The following NME9 variants were observed in gnomAD, a reference collection of about 807,000 sequenced individuals.
NME9 encodes NME/NM23 family member 9.
In NME9, 48 loss-of-function variants were observed where a neutral mutation model predicts 44.4. The ratio of observed to expected loss-of-function variants is 1.08; its 90% CI spans 0.86 to 1.37. NME9 has a LOEUF of 1.37. NME9 is among the 40% of genes most tolerant of loss of function. The pLI, the probability that NME9 is intolerant of heterozygous loss-of-function variation, is 0.00. For synonymous variants in NME9, 139 were observed against 147.1 expected (o/e 0.94, Z 0.40); for missense variants, 325 against 405.2 (o/e 0.80, Z 1.70).
chr3:138,313,806 A>G (rs1326938771), intron 6 of NME9, among the ~76,000 whole-genome samples: 1 of 152,228 alleles, frequency 6.6e-6, no homozygotes, highest in East Asian at 1.9e-4. Context: ...TAAGCCCCCA[A>G]GCAAAGAACA....
chr3:138,272,488 C>T (rs770441547), intron 8 of NME9, among the ~76,000 whole-genome samples: 1 of 152,154 alleles, frequency 6.6e-6, no homozygotes, highest in African/African-American at 2.4e-5. Flanking sequence ...TTACGTTTCT[C>T]TTGACGGACA....
intron 1 of NME9, among the ~76,000 whole-genome samples, chr3:138,328,938 C>T (rs1050849945): frequency 6.6e-6 from 1 of 152,198 alleles, no homozygotes; most frequent in Admixed American, 6.5e-5. Context: ...TCTGTGCAAG[C>T]TGCAGTTGTA....
At chr3:138,304,776 G>C in intron 9 of NME9, 97 bp downstream of exon 9, 10 of 1,208,242 alleles carry the variant, frequency 8.3e-6, no homozygotes. Context: ...AGAGTCCTCT[G>C]TGTTACCCAT....
intron 8 of NME9, among the ~76,000 whole-genome samples, chr3:138,262,845 T>C (rs2047889636): frequency 1.3e-5 from 2 of 152,200 alleles, no homozygotes; most frequent in Non-Finnish European, 2.9e-5. Flanking sequence ...ACCAGGGCTG[T>C]ATTACAAGTG....
At chr3:138,315,281 G>A (rs2052990958) in intron 5 of NME9, among the ~76,000 whole-genome samples, 1 of 152,190 alleles carries the variant, frequency 6.6e-6, no homozygotes, top group African/African-American at 2.4e-5. Context: ...AAGAGTTGAG[G>A]TGGGAGACGA....
At chr3:138,262,592 GA>G in intron 8 of NME9, 2 of 1,574,380 alleles carry the variant, frequency 1.3e-6, no homozygotes, top group Non-Finnish European at 8.6e-7. Flanking sequence ...CTCACCTGAG[GA>G]GATTAAAAAA....
exon 9 of NME9, chr3:138,261,730 T>C (rs1047862193): frequency 6.6e-6 from 1 of 152,212 alleles, no homozygotes; most frequent in Non-Finnish European, 1.5e-5. Context: ...AGAGTAAAGA[T>C]GTGAGAACAT....
Position 138,273,610 on chromosome 3 carries a change from T to C in NME9, c.746-11024A>G, listed in dbSNP as rs372204408. 8.8e-4 allele frequency among the ~76,000 whole-genome samples: 134 copies of C among 152,324 alleles called. 1 individual carries two copies. Among genetic ancestry groups the C allele is most frequent in the African/African-American group, 3.1e-3 (127 of 41,570 alleles). On this transcript the variant is annotated intron_variant, in intron 8 of 8. Transcript: ENST00000317876. ...CAGAGTAGGAGAGGCTGAGCCTTGCTGGTGGGATACCTCTCAATGTTCTCT... is the reference window on the plus strand; with the variant it reads ...CAGAGTAGGAGAGGCTGAGCCTTGCCGGTGGGATACCTCTCAATGTTCTCT...
chr3:138,319,560 C>T lies in NME9; in HGVS notation c.113G>A (p.Trp38Ter). 6.2e-7 allele frequency: 1 copy of T among 1,611,908 alleles called. No individual in the cohort carries two copies. Among genetic ancestry groups the T allele is most frequent in the Non-Finnish European group, 8.5e-7 (1 of 1,178,018 alleles). ...GLTVVDVYQGWCGPCKPVVSL... is the reference protein window; with the variant it reads ...GLTVVDVYQG ...CACCACAGGTTTGCAGGGGCCACAC[C>T]AGCCTTGATAGACATCAACAACTGT... The change falls in exon 3 of 11, where the codon TGG becomes TAG. Residue 38 changes from tryptophan to a stop codon, truncating the protein, a stop_gained. Transcript: ENST00000333911. LOFTEE classifies it high-confidence loss of function.
chr3:138,280,156 G>T (rs1373273735), intron 8 of NME9, among the ~76,000 whole-genome samples: 2 of 151,946 alleles, frequency 1.3e-5, no homozygotes, highest in East Asian at 3.9e-4. Flanking sequence ...TGCCCACCTC[G>T]GCCTCCCAAA....
chr3:138,308,945 GAAAAAAAAA>G (rs1002890235), intron 6 of NME9, among the ~76,000 whole-genome samples: 7 of 52,898 alleles, frequency 1.3e-4, no homozygotes, highest in East Asian at 1.5e-3. Context: ...AATACTGAAA[GAAAAAAAAA>G]AAAAAAAAAA....
At chr3:138,274,548 C>A in intron 8 of NME9, 2 of 1,599,428 alleles carry the variant, frequency 1.3e-6, no homozygotes, top group East Asian at 2.2e-5. Context: ...AGAGCAGGTA[C>A]GTTGTTCCTT....
intron 8 of NME9, chr3:138,288,895 C>T: frequency 1.7e-6 from 1 of 592,360 alleles, no homozygotes; most frequent in Non-Finnish European, 3.0e-6. Flanking sequence ...CCTTGGTCTC[C>T]CAAAGTGCTG....
intron 8 of NME9, among the ~76,000 whole-genome samples, chr3:138,271,534 AC>A (rs1266254104): frequency 2.6e-5 from 4 of 151,800 alleles, no homozygotes; most frequent in Non-Finnish European, 4.4e-5. Flanking sequence ...AACTCATTTC[AC>A]TCCTCAAATC....
Position 138,329,284 on chromosome 3 carries a change from AGCGCCCCTTGAGGCTTACCTGCAGGG to A in NME9, c.26_33+18del. On this transcript the variant is annotated splice_donor_variant and splice_donor_5th_base_variant and coding_sequence_variant and intron_variant, in exon 1 of 11. Coordinates refer to ENST00000333911, the MANE Select transcript of NME9 (RefSeq NM_001349018.2). LOFTEE classifies it high-confidence loss of function. The stretch of plus-strand genomic sequence containing the variant: ...CGAGCCCAACCCAGAGCTGGAAGCT[AGCGCCCCTTGAGGCTTACCTGCAGGG>A]CAATTTCCTTCTTCCTGCTGCCCAT... 2.0e-6 allele frequency: 3 copies of A among 1,534,596 alleles called. No homozygotes were observed. The highest frequency in any genetic ancestry group is 2.6e-6 in the Non-Finnish European group (3 of 1,145,556).
At chr3:138,268,737 C>T (rs1315522842) in intron 8 of NME9, among the ~76,000 whole-genome samples, 1 of 151,812 alleles carries the variant, frequency 6.6e-6, no homozygotes, top group Non-Finnish European at 1.5e-5. Flanking sequence ...GATCATGCCA[C>T]TGCACTCCAG....
At chr3:138,293,121 G>A (rs1229987938) in intron 8 of NME9, among the ~76,000 whole-genome samples, 2 of 152,176 alleles carry the variant, frequency 1.3e-5, no homozygotes, top group African/African-American at 4.8e-5. Context: ...CTGTCAGGTT[G>A]TCTGCTCCAC....
intron 8 of NME9, among the ~76,000 whole-genome samples, chr3:138,288,857 C>T (rs1042948280): frequency 1.8e-4 from 27 of 151,918 alleles, no homozygotes; most frequent in African/African-American, 6.5e-4. Context: ...ATCCTAGTCT[C>T]GAACACCTGA....
At chr3:138,261,697 G>A (rs1296928728) in exon 9 of NME9, 1 of 152,164 alleles carries the variant, frequency 6.6e-6, no homozygotes, top group Non-Finnish European at 1.5e-5. Flanking sequence ...CTTTTAAACA[G>A]GATTGAAAAT....
Sources: gnomAD v4.1 joint callset for allele counts (sites outside exome capture counted in the v4.1 genomes callset) on GRCh38, gnomAD v4.1.1 for gene constraint, MANE v1.5 for transcripts, NCBI Gene and HGNC (gene_info 2026-07-23, HGNC 2026-07-21) for gene names.